The following ABCA4 variants were observed in gnomAD, a reference collection of about 807,000 sequenced individuals.
ABCA4 encodes the protein retinal-specific phospholipid-transporting ATPase ABCA4.
ABCA4 carries 196 observed loss-of-function variants against 263.7 expected under a neutral mutation model. That is an observed-to-expected ratio of 0.74 (90% CI 0.66 to 0.84). The LOEUF (loss-of-function observed/expected upper bound fraction) is 0.84. Ranked by LOEUF, ABCA4 falls within the 40% of genes least tolerant of loss-of-function variation. The pLI, the probability that ABCA4 is intolerant of heterozygous loss-of-function variation, is 0.00. For missense variants in ABCA4, 2,792 were observed against 2,855.1 expected, an observed-to-expected ratio of 0.98 and a Z score of 0.50; for synonymous variants, 1,133 against 1,094.2, an observed-to-expected ratio of 1.04 and a Z score of -0.70.
chr1:93,994,693 A>C (rs1167459622), intron 49 of ABCA4, among the ~76,000 whole-genome samples: 1 of 152,362 alleles, frequency 6.6e-6, no homozygotes, highest in Non-Finnish European at 1.5e-5. Flanking sequence ...AAATTATCAG[A>C]AAAATATGCC....
intron 19 of ABCA4, among the ~76,000 whole-genome samples, chr1:94,045,092 A>G (rs1473713444): frequency 6.6e-6 from 1 of 152,274 alleles, no homozygotes; most frequent in Non-Finnish European, 1.5e-5. Context: ...GATCAATAAA[A>G]GGTGTTCGGT....
rs201102079 is a variant in ABCA4 at position 94,013,653 on chromosome 1, TC to T, written c.5460+889del. Among the ~76,000 whole-genome samples, 315 of 150,906 alleles carry T rather than the reference TC, an allele frequency of 2.1e-3. 2 individuals are homozygous for T. Among genetic ancestry groups the T allele is most frequent in the African/African-American group, 7.4e-3 (300 of 40,498 alleles). Reference sequence around the variant, plus strand: ...CCCTGCAGCGACTGCCTTCTTTTTTTCCCCCTCTTTTTATGATTCAGTTTGG... The same window carrying T: ...CCCTGCAGCGACTGCCTTCTTTTTTTCCCCTCTTTTTATGATTCAGTTTGG... On this transcript the variant is annotated intron_variant, in intron 38 of 49. Transcript: ENST00000370225.
intron 47 of ABCA4, among the ~76,000 whole-genome samples, chr1:94,000,292 A>G (rs953306497): frequency 6.6e-6 from 1 of 152,402 alleles, no homozygotes; most frequent in Non-Finnish European, 1.5e-5. Context: ...ACTCTTAATA[A>G]TAAGGAATTA....
At chr1:94,056,555 TC>T in intron 15 of ABCA4, 45 bp downstream of exon 15, 2 of 1,589,406 alleles carry the variant, frequency 1.3e-6, no homozygotes, top group Non-Finnish European at 1.7e-6. Context: ...TACGGACCCT[TC>T]CAAGGAAACG....
rs921073363 is a variant in ABCA4, at chr1:94,051,494, G to T, written c.2653+139C>A. On this transcript the variant is annotated intron_variant, in intron 17 of 49. Coordinates refer to ENST00000370225, the MANE Select transcript of ABCA4 (RefSeq NM_000350.3). Reference sequence around the variant, plus strand: ...CCAGACGCTGCAATGCCCATCAAGGGGCAGAGCCCCAGGAGGCAGCTGACT... The same window carrying T: ...CCAGACGCTGCAATGCCCATCAAGGTGCAGAGCCCCAGGAGGCAGCTGACT... 7.5e-5 allele frequency: 59 copies of T among 784,568 alleles called. No homozygotes were observed. In the Middle Eastern group the frequency reaches 9.0e-4, roughly 12 times the overall value. The allele number at this position is 784,568 out of a possible 1,614,324, so 48.6% of individuals were successfully genotyped here. A position where few individuals can be genotyped will look rare whatever the true frequency, so the allele number is the denominator to read the frequency against.
chr1:94,117,322 GC>G (rs1662818351), intron 1 of ABCA4, among the ~76,000 whole-genome samples: 1 of 152,138 alleles, frequency 6.6e-6, no homozygotes, highest in South Asian at 2.1e-4. Flanking sequence ...ATGACCCGGA[GC>G]CTGGGTACAC....
intron 26 of ABCA4, among the ~76,000 whole-genome samples, chr1:94,032,391 C>T (rs1273351584): frequency 6.6e-6 from 1 of 152,196 alleles, no homozygotes; most frequent in Non-Finnish European, 1.5e-5. Context: ...CATCTCAGCA[C>T]TTTGGGAGGC....
chr1:94,031,001 G>T lies in ABCA4; in HGVS notation c.4248C>A (p.Phe1416Leu), dbSNP rs1480701186. 71 of 1,613,944 alleles carry T rather than the reference G, an allele frequency of 4.4e-5. No individual in the cohort carries two copies. The highest frequency in any genetic ancestry group is 5.8e-5 in the Non-Finnish European group (68 of 1,179,970). ...GTGACCCCGAGTCCGCGCACCTGAA[G>T]AAGGTGTACTGCTGCCCATATATCC... ...HPWIYGQQYTFFSMDEPGSEQ... is the reference protein window; with the variant it reads ...HPWIYGQQYTLFSMDEPGSEQ... The change falls in exon 28 of 50, where the codon TTC becomes TTA. Residue 1416 changes from phenylalanine to leucine, a missense_variant. Physicochemically the swap from Phe to Leu is conservative, Grantham distance 22. Coordinates refer to ENST00000370225, the MANE Select transcript of ABCA4 (RefSeq NM_000350.3).
In ABCA4 at chr1:94,113,072, A is replaced by C; in HGVS notation, c.67-6T>G. The C allele has an allele frequency of 6.2e-7, 1 of 1,613,402 alleles. No individual in the cohort carries two copies. Among genetic ancestry groups the C allele is most frequent in the Non-Finnish European group, 8.5e-7 (1 of 1,179,352 alleles). ...AGTTCCACCACAAAGCGAATCTGGA[A>C]AAACAAAACAAAAAGAGAGAAAGTT... On this transcript the variant is annotated splice_region_variant and splice_polypyrimidine_tract_variant and intron_variant, in intron 1 of 49. Transcript: ENST00000370225.
At chr1:93,993,486 G>A (rs1434372049) in intron 49 of ABCA4, among the ~76,000 whole-genome samples, 2 of 151,988 alleles carry the variant, frequency 1.3e-5, no homozygotes, top group Non-Finnish European at 2.9e-5. Flanking sequence ...CATACGAGAT[G>A]TGTGCATACA....
At position 94,064,245 on chromosome 1, in the gene ABCA4, C is replaced by T. The variant is rs532703081; in HGVS notation, c.1555-928G>A. Among the ~76,000 whole-genome samples, 4 of 152,350 alleles carry T rather than the reference C, an allele frequency of 2.6e-5. No homozygotes were observed. The South Asian group carries it at 8.3e-4, about 32-fold the overall frequency. Reference sequence around the variant, plus strand: ...GAATACAAGAAGGAAAGATAAACATCTCTTCCTGAAAGAAAGTTGAGAGCT... The same window carrying T: ...GAATACAAGAAGGAAAGATAAACATTTCTTCCTGAAAGAAAGTTGAGAGCT... On this transcript the variant is annotated intron_variant, in intron 11 of 49. Coordinates refer to ENST00000370225, the MANE Select transcript of ABCA4 (RefSeq NM_000350.3).
At position 94,007,639 on chromosome 1, in the gene ABCA4, G is replaced by C; in HGVS notation, c.6000C>G (p.Gly2000=). ...AGGAGGAGCAGGATACTCACCTCTT[G>C]CCTGCTACGGTGGCATCCCCTGAGG... ...TVTSGDATVA[G]KSILTNISEV... Residue 2000 remains glycine (G), a synonymous_variant, in exon 43 of 50, where the codon GGC becomes GGG. Transcript: ENST00000370225. 6.2e-7 allele frequency: 1 copy of C among 1,612,906 alleles called. No homozygotes were observed. Among genetic ancestry groups the C allele is most frequent in the South Asian group, 1.1e-5 (1 of 91,048 alleles).
At chr1:94,073,243 G>T (rs913905581) in intron 11 of ABCA4, among the ~76,000 whole-genome samples, 1 of 152,154 alleles carries the variant, frequency 6.6e-6, no homozygotes, top group Admixed American at 6.5e-5. Flanking sequence ...TCTCCTTTCT[G>T]TTCATTGCCC....
intron 20 of ABCA4, among the ~76,000 whole-genome samples, chr1:94,044,340 G>A (rs1033109110): frequency 1.3e-5 from 2 of 152,164 alleles, no homozygotes; most frequent in African/African-American, 4.8e-5. Context: ...AGGGGCTCGG[G>A]GATCGATCAG....
At chr1:94,020,480 G>A (rs369425671) in intron 35 of ABCA4, among the ~76,000 whole-genome samples, 17 of 152,292 alleles carry the variant, frequency 1.1e-4, no homozygotes, top group East Asian at 3.9e-4. Flanking sequence ...ATCCATACAC[G>A]TAGTAAGCTT....
chr1:93,993,229 G>T lies in ABCA4; in HGVS notation c.*8C>A. On this transcript the variant is annotated 3_prime_UTR_variant, in exon 50 of 50. Transcript: ENST00000370225. ...CTTTCTGGCTGCAGGAACGAGCGGT[G>T]TGAAAGATCAGTCCTGTGGAAGGAG... 1.2e-6 allele frequency: 2 copies of T among 1,613,886 alleles called. No individual in the cohort carries two copies. The highest frequency in any genetic ancestry group is 1.7e-6 in the Non-Finnish European group (2 of 1,179,844).
intron 10 of ABCA4, 40 bp downstream of exon 10, chr1:94,078,550 T>C: frequency 1.2e-6 from 1 of 859,222 alleles, no homozygotes; most frequent in Non-Finnish European, 1.9e-6. Context: ...CCCCACCGCT[T>C]CCTCCTCCCC....
At chr1:94,114,081 G>A (rs1215732712) in intron 1 of ABCA4, among the ~76,000 whole-genome samples, 2 of 152,238 alleles carry the variant, frequency 1.3e-5, no homozygotes, top group Non-Finnish European at 2.9e-5. Context: ...CCGGGGAATA[G>A]CAAGTTTAAT....
chr1:93,997,243 A>G (rs1659032061), intron 48 of ABCA4, among the ~76,000 whole-genome samples: 1 of 152,136 alleles, frequency 6.6e-6, no homozygotes, highest in Non-Finnish European at 1.5e-5. Flanking sequence ...CTGTACATTT[A>G]AAATAGGTGT....
Sources: allele counts gnomAD v4.1 joint callset (sites outside exome capture counted in the v4.1 genomes callset), GRCh38; gene constraint gnomAD v4.1.1; transcripts MANE v1.5; gene names NCBI Gene and HGNC (gene_info 2026-07-23, HGNC 2026-07-21).